Variants in ANKHD1 observed in about 807,000 individuals in gnomAD.
The protein encoded by ANKHD1 is ankyrin repeat and KH domain containing 1.
A neutral mutation model predicts 230.5 loss-of-function variants in ANKHD1; 31 were observed. The observed-to-expected ratio is 0.13, with a 90% CI of 0.10 to 0.18. The LOEUF (loss-of-function observed/expected upper bound fraction) is 0.18, where lower values mean the gene tolerates loss of function less well. Among genes scored for constraint, ANKHD1 ranks in the 10% least tolerant of loss-of-function variants. The probability of loss-of-function intolerance (pLI) is 1.00; values close to 1 mark genes in which losing one functional copy is unlikely to be tolerated. For missense variants in ANKHD1, 2,256 were observed against 3,071.3 expected (o/e 0.73, Z 6.27); for synonymous variants, 1,074 against 1,117.6 (o/e 0.96, Z 0.78).
chr5:140,418,146 T>G (rs1462164182), intron 1 of ANKHD1, among the ~76,000 whole-genome samples: 1 of 143,316 alleles, frequency 7.0e-6, no homozygotes, highest in African/African-American at 2.6e-5. Flanking sequence ...CCAGCCTTCT[T>G]TTTTTTTTTT....
At chr5:140,467,024 T>A (rs1245395496) in intron 10 of ANKHD1, among the ~76,000 whole-genome samples, 1 of 152,202 alleles carries the variant, frequency 6.6e-6, no homozygotes, top group Non-Finnish European at 1.5e-5. Context: ...TATTCATTTT[T>A]ATCTTGCAAT....
intron 24 of ANKHD1, among the ~76,000 whole-genome samples, chr5:140,517,388 G>A (rs1178044750): frequency 1.3e-5 from 2 of 150,778 alleles, no homozygotes. Flanking sequence ...CAACGAGACA[G>A]AAAGTCAGCA....
At chr5:140,447,514 A>T (rs1774385789) in intron 6 of ANKHD1, among the ~76,000 whole-genome samples, 1 of 152,162 alleles carries the variant, frequency 6.6e-6, no homozygotes, top group Non-Finnish European at 1.5e-5. Flanking sequence ...GGCCTCAATA[A>T]ATATTCTTAC....
Position 140,401,965 on chromosome 5 carries a change from A to G in ANKHD1, c.-3A>G. The G allele has an allele frequency of 1.3e-6, 2 of 1,566,986 alleles. No homozygotes were observed. Among genetic ancestry groups the G allele is most frequent in the Non-Finnish European group, 8.6e-7 (1 of 1,161,270 alleles). On this transcript the variant is annotated 5_prime_UTR_variant, in exon 1 of 34. Coordinates refer to ENST00000360839, the MANE Select transcript of ANKHD1 (RefSeq NM_017747.3). ...GCACCGTCTCCGGCTCCGGGTGCGA[A>G]CAATGCTGACTGATAGCGGAGGCGG...
At chr5:140,525,124 AAAT>A (rs2127083584) in intron 25 of ANKHD1, among the ~76,000 whole-genome samples, 2 of 152,176 alleles carry the variant, frequency 1.3e-5, no homozygotes, top group African/African-American at 4.8e-5. Flanking sequence ...CTCAAAAAAA[AAAT>A]AAAAAGAAAA....
In ANKHD1 at chr5:140,497,105, A is replaced by G. The variant is rs1317097439; in HGVS notation, c.2831A>G (p.Asn944Ser). 2 of 1,614,172 alleles carry G rather than the reference A, an allele frequency of 1.2e-6. 1 individual carries two copies. ...QCNFSSDLGSNGTNSLELQKV... is the reference protein window; with the variant it reads ...QCNFSSDLGSSGTNSLELQKV... ...AACTTTTCCAGTGACTTAGGTTCTA[A>G]TGGGACAAATTCTCTTGAACTTCAG... Residue 944 changes from asparagine to serine, a missense_variant, in exon 15 of 34, where the codon AAT (asparagine) becomes AGT (serine). By Grantham distance (46) the Asn-to-Ser change is conservative. Around this residue, in one of 13 missense-constraint regions of ANKHD1, gnomAD observed 358 missense variants for 397.7 expected, o/e 0.90. Coordinates refer to ENST00000360839, the MANE Select transcript of ANKHD1 (RefSeq NM_017747.3).
At chr5:140,473,910 C>A (rs1422902327) in intron 10 of ANKHD1, among the ~76,000 whole-genome samples, 1 of 152,144 alleles carries the variant, frequency 6.6e-6, no homozygotes. Context: ...TTTACAGGTT[C>A]AGATTCCATA....
intron 1 of ANKHD1, among the ~76,000 whole-genome samples, chr5:140,433,583 A>G (rs1773222817): frequency 2.0e-5 from 3 of 152,032 alleles, no homozygotes; most frequent in Non-Finnish European, 2.9e-5. Context: ...TTTCTCTTTG[A>G]GGCCTTTTGT....
intron 29 of ANKHD1, among the ~76,000 whole-genome samples, chr5:140,533,365 G>A (rs1204857673): frequency 2.6e-5 from 4 of 152,272 alleles, no homozygotes; most frequent in South Asian, 4.1e-4. Context: ...TTGGGAGGCC[G>A]AGGCGGGCAG....
intron 1 of ANKHD1, among the ~76,000 whole-genome samples, chr5:140,405,059 A>G (rs907215146): frequency 1.3e-5 from 2 of 151,176 alleles, no homozygotes; most frequent in Non-Finnish European, 2.9e-5. Context: ...AATTAAAGCT[A>G]TGGGCAGAAT....
At chr5:140,486,925 C>T (rs1751529725) in intron 13 of ANKHD1, 33 bp from the exon 14 acceptor site, 1 of 1,600,118 alleles carries the variant, frequency 6.2e-7, no homozygotes, top group African/African-American at 1.3e-5. Context: ...ATTCTTTGGT[C>T]TGAGATGATT....
At position 140,496,720 on chromosome 5, in the gene ANKHD1, A is replaced by G. The variant is rs756100465; in HGVS notation, c.2446A>G (p.Lys816Glu). The change falls in exon 15 of 34, where the codon AAG (lysine) becomes GAG (glutamate). Residue 816 changes from lysine to glutamate, a missense_variant. Physicochemically the swap from Lys to Glu is moderately conservative, Grantham distance 56 (BLOSUM62 1). Around this residue, in one of 13 missense-constraint regions of ANKHD1, gnomAD observed 358 missense variants for 397.7 expected, o/e 0.90. Coordinates refer to ENST00000360839, the MANE Select transcript of ANKHD1 (RefSeq NM_017747.3). ...TCAAGGTGAACCTCTGAACAAAGATAAGATAGAAGAACTTAAAAAGAACAG... is the reference window on the plus strand; with the variant it reads ...TCAAGGTGAACCTCTGAACAAAGATGAGATAGAAGAACTTAAAAAGAACAG... ...LIQGEPLNKD[K>E]IEELKKNREE... 1.2e-6 allele frequency: 2 copies of G among 1,613,696 alleles called. No homozygotes were observed. The highest frequency in any genetic ancestry group is 1.7e-6 in the Non-Finnish European group (2 of 1,179,950).
chr5:140,407,572 T>A (rs1484432904), intron 1 of ANKHD1, among the ~76,000 whole-genome samples: 2 of 151,244 alleles, frequency 1.3e-5, no homozygotes, highest in Non-Finnish European at 2.9e-5. Context: ...CCACTCCACC[T>A]GATTTAAAAA....
chr5:140,466,188 TA>T (rs1389414181), intron 10 of ANKHD1, among the ~76,000 whole-genome samples: 1 of 152,074 alleles, frequency 6.6e-6, no homozygotes, highest in African/African-American at 2.4e-5. Context: ...GGTCAGGTGT[TA>T]AAGACCAGCC....
chr5:140,535,639 G>T, intron 30 of ANKHD1, 101 bp downstream of exon 30: 1 of 1,372,670 alleles, frequency 7.3e-7, no homozygotes, highest in South Asian at 1.8e-5. Context: ...AAACTAAGTG[G>T]TATACAGATG....
intron 11 of ANKHD1, among the ~76,000 whole-genome samples, chr5:140,482,932 A>G (rs1751348996): frequency 6.6e-6 from 1 of 152,226 alleles, no homozygotes; most frequent in African/African-American, 2.4e-5. Context: ...AAAATGTCCC[A>G]CTATGATTAG....
At chr5:140,423,745 T>G (rs984622522) in intron 1 of ANKHD1, among the ~76,000 whole-genome samples, 2 of 152,216 alleles carry the variant, frequency 1.3e-5, no homozygotes, top group Non-Finnish European at 2.9e-5. Flanking sequence ...GAACTCATAC[T>G]TTCCCCTTGC....
chr5:140,493,019 A>T (rs1204578989), intron 14 of ANKHD1, among the ~76,000 whole-genome samples: 1 of 152,224 alleles, frequency 6.6e-6, no homozygotes, highest in Non-Finnish European at 1.5e-5. Context: ...GAGGCAAAGG[A>T]ATAGGATAGA....
At chr5:140,479,596 ATATT>A (rs1191891809) in intron 10 of ANKHD1, among the ~76,000 whole-genome samples, 3 of 151,704 alleles carry the variant, frequency 2.0e-5, no homozygotes, top group African/African-American at 7.3e-5. Context: ...TTATACATAT[ATATT>A]CCCATTATTG....
Sources: gnomAD v4.1 joint callset for allele counts (sites outside exome capture counted in the v4.1 genomes callset) on GRCh38, gnomAD v4.1.1 for gene constraint, gnomAD v4.1.1 regional missense constraint, MANE v1.5 for transcripts, NCBI Gene and HGNC (gene_info 2026-07-23, HGNC 2026-07-21) for gene names.